ABCC4: variants seen among roughly 807,000 people sequenced by gnomAD.
ABCC4 encodes ATP-binding cassette sub-family C member 4.
ABCC4 carries 102 observed loss-of-function variants against 168.5 expected under a neutral mutation model. That is an observed-to-expected ratio of 0.61 (90% CI 0.52 to 0.71). The LOEUF (loss-of-function observed/expected upper bound fraction) is 0.71. ABCC4 is among the 30% of genes least tolerant of loss of function. The pLI is 0.00. For synonymous variants in ABCC4, 617 were observed against 590.7 expected, an observed-to-expected ratio of 1.04 and a Z score of -0.65; for missense variants, 1,402 against 1,605.8, an observed-to-expected ratio of 0.87 and a Z score of 2.17.
chr13:95,288,958 T>C (rs1034012574), intron 1 of ABCC4, among the ~76,000 whole-genome samples: 3 of 152,238 alleles, frequency 2.0e-5, no homozygotes, highest in Non-Finnish European at 4.4e-5. Flanking sequence ...ATTTGAGCTC[T>C]GTTACATTGA....
chr13:95,247,581 C>T, intron 2 of ABCC4, 62 bp downstream of exon 2: 2 of 1,348,110 alleles, frequency 1.5e-6, no homozygotes, highest in Non-Finnish European at 2.1e-6. Flanking sequence ...GAAGGCAAAA[C>T]CCACTCCCCA....
At chr13:95,085,932 C>G (rs149146018) in intron 20 of ABCC4, among the ~76,000 whole-genome samples, 98 of 152,290 alleles carry the variant, frequency 6.4e-4, no homozygotes, top group African/African-American at 2.3e-3. Flanking sequence ...TCCTCAAAGA[C>G]AGAAAATTCA....
At chr13:95,056,890 T>C (rs185773367) in intron 26 of ABCC4, among the ~76,000 whole-genome samples, 450 of 152,378 alleles carry the variant, frequency 3.0e-3, no homozygotes, top group African/African-American at 0.01. Flanking sequence ...TAGCTGTTGA[T>C]GTATGCCAAC....
At chr13:95,068,855 C>T (rs1272279461) in intron 25 of ABCC4, among the ~76,000 whole-genome samples, 1 of 152,188 alleles carries the variant, frequency 6.6e-6, no homozygotes, top group Non-Finnish European at 1.5e-5. Context: ...CAGGTAGGAC[C>T]TAATAACACA....
chr13:95,243,508 C>A (rs916772623), intron 3 of ABCC4, among the ~76,000 whole-genome samples: 2 of 152,156 alleles, frequency 1.3e-5, no homozygotes, highest in African/African-American at 4.8e-5. Flanking sequence ...GTCTTAACAG[C>A]GTGGATGTTG....
At chr13:95,286,976 A>G (rs2041273928) in intron 1 of ABCC4, among the ~76,000 whole-genome samples, 1 of 150,962 alleles carries the variant, frequency 6.6e-6, no homozygotes, top group Admixed American at 6.6e-5. Flanking sequence ...AAAAAAAGAA[A>G]AGAAAAGAAA....
At chr13:95,125,651 C>T (rs1014211627) in intron 19 of ABCC4, among the ~76,000 whole-genome samples, 4 of 152,128 alleles carry the variant, frequency 2.6e-5, no homozygotes, top group Admixed American at 6.5e-5. Flanking sequence ...GCTGTGTGAC[C>T]CAGGGCAAAG....
At chr13:95,155,911 G>A (rs1327930178) in intron 19 of ABCC4, among the ~76,000 whole-genome samples, 1 of 152,192 alleles carries the variant, frequency 6.6e-6, no homozygotes, top group Non-Finnish European at 1.5e-5. Context: ...CCAAAACAAA[G>A]AGTGAAATTG....
intron 1 of ABCC4, among the ~76,000 whole-genome samples, chr13:95,259,684 T>C (rs1370527476): frequency 6.6e-6 from 1 of 152,196 alleles, no homozygotes; most frequent in Non-Finnish European, 1.5e-5. Context: ...AAATCAAATG[T>C]TGACCTCAGA....
intron 13 of ABCC4, among the ~76,000 whole-genome samples, chr13:95,176,498 A>AT (rs2037707553): frequency 6.6e-6 from 1 of 152,110 alleles, no homozygotes; most frequent in South Asian, 2.1e-4. Context: ...CTATCTAAAA[A>AT]AAAAATAATA....
intron 5 of ABCC4, among the ~76,000 whole-genome samples, chr13:95,209,964 CAT>C (rs1392064497): frequency 1.3e-5 from 2 of 152,250 alleles, no homozygotes; most frequent in Admixed American, 1.3e-4. Flanking sequence ...GTGCCCACCA[CAT>C]ACTCCAGTAA....
At position 95,044,420 on chromosome 13, in the gene ABCC4, T is replaced by C. The variant is rs533884311; in HGVS notation, c.3475A>G (p.Ile1159Val). 4 of 1,612,076 alleles carry C rather than the reference T, an allele frequency of 2.5e-6. No homozygotes were observed. The highest frequency in any genetic ancestry group is 2.2e-5 in the East Asian group (1 of 44,786). Residue 1159 changes from isoleucine (I) to valine (V), a missense_variant, in exon 28 of 31, where the codon ATT becomes GTT. By Grantham distance (29) the Ile-to-Val change is conservative (BLOSUM62 3). Transcript: ENST00000645237. ...TCCATTTTACCAGGAAGATCTTCAATGGTTTCTTTAAGTTGTACCTGTAGA... is the reference window on the plus strand; with the variant it reads ...TCCATTTTACCAGGAAGATCTTCAACGGTTTCTTTAAGTTGTACCTGTAGA... Reference protein sequence around the residue: ...ALQEVQLKETIEDLPGKMDTE... With the variant: ...ALQEVQLKETVEDLPGKMDTE...
chr13:95,300,067 C>T (rs1394034326), intron 1 of ABCC4, among the ~76,000 whole-genome samples: 1 of 152,224 alleles, frequency 6.6e-6, no homozygotes, highest in Non-Finnish European at 1.5e-5. Flanking sequence ...GTCTCGAACT[C>T]CTGACCTCGT....
In ABCC4 at chr13:95,170,514, C is replaced by T. The variant is rs748560617; in HGVS notation, c.1824+18G>A. 1.2e-5 allele frequency: 18 copies of T among 1,561,456 alleles called. No individual in the cohort carries two copies. In the Admixed American group the frequency reaches 1.9e-4, roughly 17 times the overall value. On this transcript the variant is annotated intron_variant, in intron 14 of 30. Transcript: ENST00000645237. ...CCCAAGTACTTGCAAGTTCGGGAGA[C>T]CTCTAGAAACTACTTACATCTTTCA...
At chr13:95,134,231 T>A (rs2036068314) in intron 19 of ABCC4, among the ~76,000 whole-genome samples, 1 of 152,156 alleles carries the variant, frequency 6.6e-6, no homozygotes, top group African/African-American at 2.4e-5. Context: ...ATATATGTTA[T>A]TTTTTAAAAA....
intron 19 of ABCC4, among the ~76,000 whole-genome samples, chr13:95,145,616 C>CAAA (rs1233444198): frequency 8.9e-4 from 86 of 97,076 alleles, no homozygotes; most frequent in African/African-American, 2.7e-3. Context: ...ACCCCATCTC[C>CAAA]AAAAAAAAAA....
chr13:95,081,856 G>A lies in ABCC4; in HGVS notation c.2686+1284C>T, dbSNP rs554288080. On this transcript the variant is annotated intron_variant, in intron 21 of 30. Transcript: ENST00000645237. ...TCTCTACTAATAATATGAAAATAGT[G>A]AGGTGTGGTGGTGCACACTTGTAAT... Among the ~76,000 whole-genome samples the A allele has an allele frequency of 9.9e-5, 15 of 152,072 alleles. 1 individual carries two copies. The highest frequency in any genetic ancestry group is 3.6e-4 in the African/African-American group (15 of 41,494).
At position 95,131,626 on chromosome 13, in the gene ABCC4, C is replaced by CA. The variant is rs370310311; in HGVS notation, c.2456-15626dup. Among the ~76,000 whole-genome samples, 843 of 150,210 alleles carry CA rather than the reference C, an allele frequency of 5.6e-3. 8 individuals carry two copies. Among genetic ancestry groups the CA allele is most frequent in the African/African-American group, 0.02 (798 of 40,922 alleles). ...CCTGGGCAACAGAGCAAGACTGTCT[C>CA]AAAAAAAAAGAAGAGAAAAGAAAAA... On this transcript the variant is annotated intron_variant, in intron 19 of 30. Transcript: ENST00000645237.
At chr13:95,035,608 C>T (rs2032088583) in intron 29 of ABCC4, among the ~76,000 whole-genome samples, 2 of 152,210 alleles carry the variant, frequency 1.3e-5, no homozygotes, top group African/African-American at 4.8e-5. Context: ...CTTTCTTGAG[C>T]TGCTTGCCTT....
Sources: allele counts gnomAD v4.1 joint callset (sites outside exome capture counted in the v4.1 genomes callset), GRCh38; gene constraint gnomAD v4.1.1; transcripts MANE v1.5; gene names NCBI Gene and HGNC (gene_info 2026-07-23, HGNC 2026-07-21).